Variants in NADSYN1 observed in about 807,000 individuals in gnomAD.
NADSYN1 encodes NAD synthetase 1.
A neutral mutation model predicts 99.3 loss-of-function variants in NADSYN1; 80 were observed. The ratio of observed to expected loss-of-function variants is 0.81; its 90% CI spans 0.67 to 0.97. NADSYN1 has a LOEUF of 0.97. NADSYN1 is among the 50% of genes least tolerant of loss of function. The pLI is 0.00. For synonymous variants in NADSYN1, 385 were observed against 372.1 expected (o/e 1.03, Z -0.40); for missense variants, 859 against 948.5 (o/e 0.91, Z 1.24).
chr11:71,470,427 C>T (rs1792235), intron 5 of NADSYN1, among the ~76,000 whole-genome samples: 42,866 of 152,196 alleles, frequency 0.28, 6,553 homozygotes, highest in South Asian at 0.46. Context: ...GCTGGGGGCT[C>T]GGAGGTCCAG....
rs11233754 is a variant in NADSYN1 at position 71,464,242 on chromosome 11, C to T, written c.407+100C>T. On this transcript the variant is annotated intron_variant, in intron 5 of 20. Coordinates refer to ENST00000319023, the MANE Select transcript of NADSYN1 (RefSeq NM_018161.5). ...TGGGAGTGTTACCGGTGGAGGGTGT[C>T]CAGGTTTTTGACATTTTGAACAAAG... 7,470 of 945,772 alleles carry T rather than the reference C, an allele frequency of 7.9e-3. 378 individuals are homozygous for T. In the African/African-American group the frequency reaches 0.11, roughly 14 times the overall value. 58.6% of individuals were successfully genotyped at this position (945,772 alleles called of 1,614,324 possible).
At chr11:71,483,145 T>TG in intron 14 of NADSYN1, 128 bp downstream of exon 14, 2 of 1,164,360 alleles carry the variant, frequency 1.7e-6, no homozygotes, top group Non-Finnish European at 2.5e-6. Context: ...ACTATGTGGA[T>TG]AAACGTGTAA....
At chr11:71,470,505 A>G (rs1223282822) in intron 5 of NADSYN1, among the ~76,000 whole-genome samples, 1 of 152,220 alleles carries the variant, frequency 6.6e-6, no homozygotes, top group Non-Finnish European at 1.5e-5. Context: ...TTAATTACAC[A>G]TGTGTGCCTT....
At chr11:71,461,601 G>GTA (rs1949551149) in intron 3 of NADSYN1, among the ~76,000 whole-genome samples, 1 of 151,982 alleles carries the variant, frequency 6.6e-6, no homozygotes. Context: ...GCTAATTTTT[G>GTA]TATTTTTAGT....
chr11:71,471,180 G>A (rs1362958600), intron 5 of NADSYN1, among the ~76,000 whole-genome samples: 2 of 152,162 alleles, frequency 1.3e-5, no homozygotes, highest in Admixed American at 6.5e-5. Context: ...TGGGCCCTCT[G>A]GGATGGTATT....
At chr11:71,498,604 T>C (rs961682442) in intron 20 of NADSYN1, 76 bp downstream of exon 20, 25 of 1,527,468 alleles carry the variant, frequency 1.6e-5, no homozygotes, top group Middle Eastern at 1.7e-4. Context: ...CCATGAAGGA[T>C]TGAAAAACTT....
At chr11:71,487,830 C>CA (rs71049984) in intron 16 of NADSYN1, among the ~76,000 whole-genome samples, 1,602 of 79,918 alleles carry the variant, frequency 0.02, 62 homozygotes, top group Admixed American at 0.071. Flanking sequence ...GACTCCGTCT[C>CA]AAAAAAAAAA....
At chr11:71,476,602 C>G in intron 9 of NADSYN1, 2 of 967,256 alleles carry the variant, frequency 2.1e-6, no homozygotes, top group Non-Finnish European at 2.5e-6. Flanking sequence ...GCCCTGCTTT[C>G]CACATGACAG....
rs145808819 is a variant in NADSYN1 at position 71,457,766 on chromosome 11, A to G, written c.147-662A>G. Among the ~76,000 whole-genome samples, 751 of 152,110 alleles carry G rather than the reference A, an allele frequency of 4.9e-3. 5 individuals carry two copies. The highest frequency in any genetic ancestry group is 0.01 in the Middle Eastern group (3 of 294). On this transcript the variant is annotated intron_variant, in intron 2 of 20. Transcript: ENST00000319023. ...TGCTCCCATCTCTGCCTCCGTCCTC[A>G]TGTTGCCTCCTGTTCTCCCTGTCTC...
At chr11:71,467,916 T>G (rs1949603164) in intron 5 of NADSYN1, among the ~76,000 whole-genome samples, 2 of 152,132 alleles carry the variant, frequency 1.3e-5, no homozygotes, top group Admixed American at 1.3e-4. Flanking sequence ...CTAGAAACAT[T>G]CTTGTGAAAC....
chr11:71,493,293 T>A (rs1949796363), intron 18 of NADSYN1, among the ~76,000 whole-genome samples: 1 of 152,258 alleles, frequency 6.6e-6, no homozygotes, highest in African/African-American at 2.4e-5. Context: ...TTTGATACTC[T>A]GGTGAGTGGA....
At chr11:71,454,541 C>G (rs1949500636) in intron 1 of NADSYN1, among the ~76,000 whole-genome samples, 1 of 152,130 alleles carries the variant, frequency 6.6e-6, no homozygotes, top group Non-Finnish European at 1.5e-5. Flanking sequence ...TAAATATCAA[C>G]CTGCTTTCAC....
intron 19 of NADSYN1, 101 bp from the exon 20 acceptor site, chr11:71,498,251 T>G (rs910352781): frequency 3.0e-6 from 4 of 1,351,640 alleles, no homozygotes; most frequent in Non-Finnish European, 4.1e-6. Flanking sequence ...GTGCGGGGAG[T>G]AACCCATTAG....
At position 71,482,929 on chromosome 11, in the gene NADSYN1, C is replaced by A. The variant is rs759432829; in HGVS notation, c.1231C>A (p.Arg411Ser). The A allele has an allele frequency of 6.2e-7, 1 of 1,613,304 alleles. No homozygotes were observed. Among genetic ancestry groups the A allele is most frequent in the Non-Finnish European group, 8.5e-7 (1 of 1,179,682 alleles). Residue 411 changes from arginine to serine, a missense_variant, in exon 14 of 21, where the codon CGC (arginine) becomes AGC (serine). Arg to Ser is a moderately radical substitution (Grantham distance 110). Transcript: ENST00000319023. ...TPQDPRDLCG[R>S]ILTTCYMASK... ...CCAGGATCCCCGAGACCTCTGTGGACGCATACTGACCACCTGCTACATGGC... is the reference window on the plus strand; with the variant it reads ...CCAGGATCCCCGAGACCTCTGTGGAAGCATACTGACCACCTGCTACATGGC...
chr11:71,463,427 T>C lies in NADSYN1; in HGVS notation c.264-5T>C, dbSNP rs780945941. The C allele has an allele frequency of 6.2e-7, 1 of 1,613,878 alleles. No individual in the cohort carries two copies. The highest frequency in any genetic ancestry group is 8.5e-7 in the Non-Finnish European group (1 of 1,179,790). ...ACACACATGTACCTCCCCTCTCTCC[T>C]GCAGGCCTGTAATGCACCGAAACGT... On this transcript the variant is annotated splice_polypyrimidine_tract_variant and splice_region_variant and intron_variant, in intron 3 of 20. Coordinates refer to ENST00000319023, the MANE Select transcript of NADSYN1 (RefSeq NM_018161.5).
chr11:71,485,798 G>A (rs570633952), intron 16 of NADSYN1, 150 bp downstream of exon 16: 176 of 626,882 alleles, frequency 2.8e-4, no homozygotes, highest in Non-Finnish European at 4.5e-4. Context: ...CACCCAACCC[G>A]AGTGGCAGAG....
Position 71,501,725 on chromosome 11 carries a change from A to G in NADSYN1, c.*373A>G, listed in dbSNP as rs959419512. ...GAGGGGTGTCATGAGCAGAAAATGA[A>G]GGAGAGAAGACCTTCTCTCCCACCC... On this transcript the variant is annotated 3_prime_UTR_variant, in exon 21 of 21. Coordinates refer to ENST00000319023, the MANE Select transcript of NADSYN1 (RefSeq NM_018161.5). 2.4e-5 allele frequency: 6 copies of G among 252,458 alleles called. No individual in the cohort carries two copies. The highest frequency in any genetic ancestry group is 5.1e-5 in the Admixed American group (1 of 19,518). 15.6% of individuals were successfully genotyped at this position (252,458 alleles called of 1,614,324 possible).
In NADSYN1 at chr11:71,473,381, C is replaced by T. The variant is rs1949641615; in HGVS notation, c.548+15C>T. 1.9e-6 allele frequency: 3 copies of T among 1,613,018 alleles called. No homozygotes were observed. The highest frequency in any genetic ancestry group is 2.5e-6 in the Non-Finnish European group (3 of 1,179,156). ...ACACCCCACAGGTCAGCCCCATGCC[C>T]CTGTGCTGTCTGATCGCCCACCTCA... On this transcript the variant is annotated intron_variant, in intron 7 of 20. Coordinates refer to ENST00000319023, the MANE Select transcript of NADSYN1 (RefSeq NM_018161.5).
intron 19 of NADSYN1, among the ~76,000 whole-genome samples, chr11:71,497,842 G>GC (rs112067149): frequency 0.12 from 17,625 of 152,196 alleles, 1,574 homozygotes; most frequent in African/African-American, 0.26. Flanking sequence ...CATGAAACAA[G>GC]CCTCCCTTTT....
Sources: allele counts gnomAD v4.1 joint callset (sites outside exome capture counted in the v4.1 genomes callset), GRCh38; gene constraint gnomAD v4.1.1; transcripts MANE v1.5; gene names NCBI Gene and HGNC (gene_info 2026-07-23, HGNC 2026-07-21).